ZC3H12B: variants seen among roughly 807,000 people sequenced by gnomAD.
ZC3H12B encodes the protein zinc finger CCCH-type containing 12B, also known as probable ribonuclease ZC3H12B.
ZC3H12B carries 7 observed loss-of-function variants against 43.9 expected under a neutral mutation model. That is an observed-to-expected ratio of 0.16 (90% confidence interval 0.09 to 0.30). The LOEUF (loss-of-function observed/expected upper bound fraction) is 0.30, where lower values mean the gene tolerates loss of function less well. ZC3H12B is among the 10% of genes least tolerant of loss of function. The pLI, the probability that ZC3H12B is intolerant of heterozygous loss-of-function variation, is 1.00. For synonymous variants in ZC3H12B, 222 were observed against 241.7 expected (o/e 0.92, Z 0.76); for missense variants, 475 against 670.2 (o/e 0.71, Z 3.22).
the ZC3H12B span, among the ~76,000 whole-genome samples, chrX:65,258,030 C>T: frequency 1.8e-5 from 2 of 111,600 alleles, no homozygotes; most frequent in Non-Finnish European, 3.8e-5. Context: ...CTCCCTAACT[C>T]ATTTTGTGAG....
At chrX:65,120,431 T>C in the ZC3H12B span, among the ~76,000 whole-genome samples, 1 of 111,757 alleles carries the variant, frequency 8.9e-6, no homozygotes, top group Non-Finnish European at 1.9e-5. Context: ...AGTTCACTCA[T>C]GATTTGGCTC....
the ZC3H12B span, among the ~76,000 whole-genome samples, chrX:65,110,558 C>T: frequency 4.5e-5 from 5 of 111,037 alleles, no homozygotes; most frequent in African/African-American, 1.6e-4. Context: ...TGAATTTGCA[C>T]CTCTGTCAAA....
chrX:65,268,180 T>C, the ZC3H12B span, among the ~76,000 whole-genome samples: 5 of 111,483 alleles, frequency 4.5e-5, 1 homozygote, highest in African/African-American at 1.6e-4. Context: ...ACAAATAAAT[T>C]TCTAGAAAAA....
intron 3 of ZC3H12B, among the ~76,000 whole-genome samples, chrX:65,424,749 C>G (rs2067060261): frequency 9.0e-6 from 1 of 111,116 alleles, no homozygotes; most frequent in African/African-American, 3.3e-5. Context: ...CTTTTTTTGT[C>G]AGGTTTGTCA....
the ZC3H12B span, among the ~76,000 whole-genome samples, chrX:65,192,002 C>A: frequency 9.2e-6 from 1 of 109,058 alleles, no homozygotes; most frequent in African/African-American, 3.3e-5. Flanking sequence ...TATGTTGTGT[C>A]TTTGTTCTCG....
At chrX:65,260,733 T>G in the ZC3H12B span, among the ~76,000 whole-genome samples, 1 of 111,908 alleles carries the variant, frequency 8.9e-6, no homozygotes, top group Non-Finnish European at 1.9e-5. Flanking sequence ...CTTAAATCCT[T>G]TTGTTAATGT....
chrX:65,188,800 A>G, the ZC3H12B span, among the ~76,000 whole-genome samples: 1 of 18,466 alleles, frequency 5.4e-5, no homozygotes, highest in Non-Finnish European at 3.2e-4. Context: ...TAAAGTCTTT[A>G]AGTTTTTTTT....
chrX:65,332,013 C>T, the ZC3H12B span, among the ~76,000 whole-genome samples: 65 of 111,301 alleles, frequency 5.8e-4, no homozygotes, highest in African/African-American at 2.0e-3. Context: ...TGACCTGTAT[C>T]TTATGCCAAC....
chrX:65,349,597 C>A, the ZC3H12B span, among the ~76,000 whole-genome samples: 1 of 110,853 alleles, frequency 9.0e-6, no homozygotes, highest in Non-Finnish European at 1.9e-5. Context: ...AAAAGATCAA[C>A]AAAATAGATA....
At chrX:65,373,984 CTATA>C (rs1242688285) in intron 2 of ZC3H12B, among the ~76,000 whole-genome samples, 4 of 6,130 alleles carry the variant, frequency 6.5e-4, no homozygotes, top group South Asian at 0.014. Flanking sequence ...TATATATATA[CTATA>C]TATATATAGT....
chrX:65,290,331 C>T, the ZC3H12B span, among the ~76,000 whole-genome samples: 2 of 109,537 alleles, frequency 1.8e-5, no homozygotes, highest in Non-Finnish European at 3.8e-5. Flanking sequence ...AAAACAAAAA[C>T]AAAAAACACA....
the ZC3H12B span, among the ~76,000 whole-genome samples, chrX:65,158,551 T>C: frequency 8.9e-6 from 1 of 112,421 alleles, no homozygotes; most frequent in Admixed American, 9.5e-5. Context: ...CATGTGTTTA[T>C]TGGCTGCATA....
At chrX:65,473,552 A>G (rs2067955376) in intron 3 of ZC3H12B, among the ~76,000 whole-genome samples, 2 of 111,864 alleles carry the variant, frequency 1.8e-5, no homozygotes, top group Non-Finnish European at 3.8e-5. Flanking sequence ...AAAATATGGG[A>G]TGTCTTTTCA....
At chrX:65,413,193 G>T (rs1310936825) in intron 3 of ZC3H12B, among the ~76,000 whole-genome samples, 1 of 111,315 alleles carries the variant, frequency 9.0e-6, no homozygotes, top group African/African-American at 3.3e-5. Flanking sequence ...ATATATTCTG[G>T]ATACTAGTCT....
the ZC3H12B span, among the ~76,000 whole-genome samples, chrX:65,262,577 G>A: frequency 9.0e-6 from 1 of 110,826 alleles, no homozygotes. Context: ...ACAAATTGCT[G>A]TCAATATCAT....
At chrX:65,507,287 C>T (rs1389802422) in exon 5 of ZC3H12B, 1 of 112,120 alleles carries the variant, frequency 8.9e-6, no homozygotes, top group Non-Finnish European at 1.9e-5. Flanking sequence ...GCTCAGGTCT[C>T]CCTCCTAACC....
At chrX:65,378,995 T>C (rs778074269) in intron 2 of ZC3H12B, among the ~76,000 whole-genome samples, 1 of 112,338 alleles carries the variant, frequency 8.9e-6, no homozygotes, top group South Asian at 3.7e-4. Context: ...CACAGCAGTC[T>C]GCGATCAAAC....
intron 3 of ZC3H12B, among the ~76,000 whole-genome samples, chrX:65,450,737 A>G (rs1189320631): frequency 2.2e-4 from 10 of 44,911 alleles, no homozygotes; most frequent in Admixed American, 2.9e-4. Flanking sequence ...GTATATATGT[A>G]TATATATATA....
chrX:65,093,465 G>A, the ZC3H12B span, among the ~76,000 whole-genome samples: 1 of 112,194 alleles, frequency 8.9e-6, no homozygotes, highest in East Asian at 2.8e-4. Flanking sequence ...CAACCCTTGA[G>A]AGCCGCTGTG....
Sources: allele counts gnomAD v4.1 joint callset (sites outside exome capture counted in the v4.1 genomes callset), GRCh38; gene constraint gnomAD v4.1.1; transcripts MANE v1.5; gene names NCBI Gene and HGNC (gene_info 2026-07-23, HGNC 2026-07-21).